SEL1L3: variants seen among roughly 807,000 people sequenced by gnomAD.
SEL1L3 encodes the protein SEL1L family member 3.
Under a neutral mutation model 142.8 loss-of-function variants are expected in SEL1L3, and 76 were observed. The ratio of observed to expected loss-of-function variants is 0.53; its 90% CI spans 0.44 to 0.64. The LOEUF (loss-of-function observed/expected upper bound fraction) is 0.64, where lower values mean the gene tolerates loss of function less well. Ranked by LOEUF, SEL1L3 falls within the 30% of genes least tolerant of loss-of-function variation. The pLI is 0.00. For synonymous variants in SEL1L3, 504 were observed against 519.6 expected (o/e 0.97, Z 0.41); for missense variants, 1,262 against 1,381.7 (o/e 0.91, Z 1.37).
intron 23 of SEL1L3, among the ~76,000 whole-genome samples, chr4:25,754,197 G>A (rs1056538786): frequency 4.0e-5 from 6 of 151,396 alleles, no homozygotes; most frequent in African/African-American, 1.5e-4. Flanking sequence ...AGCTACTCGG[G>A]AGGCTGAGGC....
intron 11 of SEL1L3, among the ~76,000 whole-genome samples, chr4:25,801,143 C>A (rs1577625749): frequency 1.3e-5 from 2 of 152,360 alleles, no homozygotes; most frequent in East Asian, 3.9e-4. Context: ...TGGCTCACGC[C>A]TATAATCCCA....
intron 9 of SEL1L3, among the ~76,000 whole-genome samples, chr4:25,811,581 T>A (rs1396244749): frequency 2.0e-5 from 3 of 152,208 alleles, no homozygotes; most frequent in African/African-American, 7.2e-5. Context: ...CCAACAAAGA[T>A]GTTTTGAGTA....
At chr4:25,734,276 C>A in the SEL1L3 span, among the ~76,000 whole-genome samples, 16 of 152,200 alleles carry the variant, frequency 1.1e-4, no homozygotes. Context: ...AAACTCCTGA[C>A]CTCAGGTGAT....
chr4:25,743,613 G>A (rs1247771225), downstream of SEL1L3, among the ~76,000 whole-genome samples: 1 of 152,100 alleles, frequency 6.6e-6, no homozygotes, highest in African/African-American at 2.4e-5. Flanking sequence ...TTGGGAGGGG[G>A]CTTCCAGGTC....
chr4:25,808,594 T>G (rs942272344), intron 9 of SEL1L3, among the ~76,000 whole-genome samples: 3 of 151,910 alleles, frequency 2.0e-5, no homozygotes, highest in Admixed American at 6.6e-5. Flanking sequence ...AAAGGTGTAA[T>G]GCATCCAAGG....
At chr4:25,838,918 C>A (rs1474611387) in intron 2 of SEL1L3, among the ~76,000 whole-genome samples, 1 of 152,220 alleles carries the variant, frequency 6.6e-6, no homozygotes, top group Non-Finnish European at 1.5e-5. Flanking sequence ...AAAGGTAACA[C>A]TTCTGTGTAA....
chr4:25,769,258 T>A (rs553434496), intron 17 of SEL1L3, among the ~76,000 whole-genome samples: 1 of 152,296 alleles, frequency 6.6e-6, no homozygotes, highest in South Asian at 2.1e-4. Context: ...TGGCAGGCAA[T>A]CCCTTGGAGA....
In SEL1L3 at chr4:25,790,737, A is replaced by AGGG. The variant is rs1393679086; in HGVS notation, c.1957-164_1957-163insCCC. Reference sequence around the variant, plus strand: ...GAAGGAGAGAGGGAGGGAGGGAAGGAAGGAAGGAAGGAAGGAAGGAAGAAA... The same window carrying AGGG: ...GAAGGAGAGAGGGAGGGAGGGAAGGAGGGAGGAAGGAAGGAAGGAAGGAAGAAA... On this transcript the variant is annotated intron_variant, in intron 11 of 23. Transcript: ENST00000399878. Among the ~76,000 whole-genome samples, 3 of 100,758 alleles carry AGGG rather than the reference A, an allele frequency of 3.0e-5. 1 individual carries two copies. The highest frequency in any genetic ancestry group is 5.8e-5 in the Non-Finnish European group (3 of 51,372). The allele number at this position is 100,758 out of a possible 152,430, so 66.1% of individuals were successfully genotyped here.
chr4:25,740,888 G>C, the SEL1L3 span, among the ~76,000 whole-genome samples: 1 of 151,890 alleles, frequency 6.6e-6, no homozygotes, highest in Non-Finnish European at 1.5e-5. Context: ...GGGTTCAAGG[G>C]ATTCTCTTGC....
intron 2 of SEL1L3, among the ~76,000 whole-genome samples, chr4:25,846,171 G>A (rs544987651): frequency 6.6e-6 from 1 of 152,264 alleles, no homozygotes; most frequent in Admixed American, 6.5e-5. Flanking sequence ...AGAGCAAGGC[G>A]CTCCTTGCAC....
intron 8 of SEL1L3, among the ~76,000 whole-genome samples, chr4:25,818,994 G>C (rs555122557): frequency 6.6e-6 from 1 of 152,178 alleles, no homozygotes; most frequent in African/African-American, 2.4e-5. Flanking sequence ...GAGAAGTTCC[G>C]CTCTGGAGAT....
In SEL1L3 at chr4:25,788,518, T is replaced by C. The variant is rs893484879; in HGVS notation, c.2077-154A>G. ...ATCTTCCAACTGGAGGCCAGAGCCC[T>C]GAATGTGGACTTATGTAAATACAAG... On this transcript the variant is annotated intron_variant, in intron 12 of 23. Coordinates refer to ENST00000399878, the MANE Select transcript of SEL1L3 (RefSeq NM_015187.5). This position sits in a 1 kb window ranked among gnomAD's most constrained non-coding sequence, Gnocchi z 5.3. Among the ~76,000 whole-genome samples, 1 of 151,936 alleles carries C rather than the reference T, an allele frequency of 6.6e-6. No individual in the cohort carries two copies. Among genetic ancestry groups the C allele is most frequent in the Non-Finnish European group, 1.5e-5 (1 of 68,006 alleles).
At position 25,832,374 on chromosome 4, in the gene SEL1L3, T is replaced by C. The variant is rs534581315; in HGVS notation, c.1098+621A>G. 1.1e-4 allele frequency among the ~76,000 whole-genome samples: 17 copies of C among 152,302 alleles called. No individual in the cohort carries two copies. In the South Asian group the frequency reaches 2.3e-3, roughly 20 times the overall value. On this transcript the variant is annotated intron_variant, in intron 5 of 23. Transcript: ENST00000399878. The stretch of plus-strand genomic sequence containing the variant: ...AACCCACACTGTGTATATTGAGAAA[T>C]AGAACTGTCTTCAATTAGAACAACA...
At chr4:25,831,985 AG>A (rs1038100731) in intron 5 of SEL1L3, among the ~76,000 whole-genome samples, 9 of 152,220 alleles carry the variant, frequency 5.9e-5, no homozygotes, top group Non-Finnish European at 1.3e-4. Flanking sequence ...AACAGCACTG[AG>A]CTGACCTTCT....
At chr4:25,758,388 T>C (rs539304658) in intron 21 of SEL1L3, among the ~76,000 whole-genome samples, 4 of 152,284 alleles carry the variant, frequency 2.6e-5, no homozygotes, top group African/African-American at 9.6e-5. Context: ...TGAGAATCAC[T>C]TGAACCCAAG....
chr4:25,847,744 T>C lies in SEL1L3; in HGVS notation c.283A>G (p.Asn95Asp), dbSNP rs776650954. 8 of 1,613,956 alleles carry C rather than the reference T, an allele frequency of 5.0e-6. No individual in the cohort carries two copies. The highest frequency in any genetic ancestry group is 3.4e-6 in the Non-Finnish European group (4 of 1,179,874). Residue 95 changes from asparagine (N) to aspartate (D), a missense_variant, in exon 2 of 24, where the codon AAC (asparagine) becomes GAC (aspartate). Asn to Asp is a conservative substitution (Grantham distance 23). Coordinates refer to ENST00000399878, the MANE Select transcript of SEL1L3 (RefSeq NM_015187.5). ...YFTVFEGNVR[N>D]VSEVSVEYLC... ...TACTCAACCGAGACTTCAGAAACGT[T>C]GCGAACGTTTCCTTCAAAGACAGTA...
At chr4:25,846,386 A>G (rs1490088552) in intron 2 of SEL1L3, among the ~76,000 whole-genome samples, 1 of 152,200 alleles carries the variant, frequency 6.6e-6, no homozygotes, top group Non-Finnish European at 1.5e-5. Context: ...TGTGCTGAGC[A>G]ATCACATCTC....
intron 11 of SEL1L3, among the ~76,000 whole-genome samples, chr4:25,802,022 G>A (rs1241392756): frequency 1.3e-5 from 2 of 152,096 alleles, no homozygotes; most frequent in Non-Finnish European, 2.9e-5. Context: ...ATCAAAATCT[G>A]CCCAAGGCCA....
chr4:25,761,141 T>C (rs1022993096), intron 20 of SEL1L3, among the ~76,000 whole-genome samples: 1 of 152,230 alleles, frequency 6.6e-6, no homozygotes, highest in African/African-American at 2.4e-5. Context: ...GAAGGCACTC[T>C]TAAAATTTGA....
Sources: gnomAD v4.1 joint callset for allele counts (sites outside exome capture counted in the v4.1 genomes callset) on GRCh38, gnomAD v4.1.1 for gene constraint, Gnocchi (gnomAD v3.1) non-coding constraint, MANE v1.5 for transcripts, NCBI Gene and HGNC (gene_info 2026-07-23, HGNC 2026-07-21) for gene names.